The following C3 variants were observed in gnomAD, a reference collection of about 807,000 sequenced individuals.
C3 encodes complement C3, also known as C3 and PZP-like alpha-2-macroglobulin domain-containing protein 1.
C3 carries 97 observed loss-of-function variants against 207.9 expected under a neutral mutation model. That is an observed-to-expected ratio of 0.47 (90% CI 0.40 to 0.55). The LOEUF (loss-of-function observed/expected upper bound fraction) is 0.55, where lower values mean the gene tolerates loss of function less well. Among genes scored for constraint, C3 ranks in the 20% least tolerant of loss-of-function variants. The pLI, the probability that C3 is intolerant of heterozygous loss-of-function variation, is 0.00. For missense variants in C3, 1,684 were observed against 2,171.7 expected, an observed-to-expected ratio of 0.78 and a Z score of 4.46; for synonymous variants, 848 against 857.6, an observed-to-expected ratio of 0.99 and a Z score of 0.20.
intron 33 of C3, 184 bp downstream of exon 33, chr19:6,684,204 G>A: frequency 1.4e-6 from 1 of 702,326 alleles, no homozygotes; most frequent in East Asian, 2.6e-5. Context: ...GGTCATTGCT[G>A]TGGTCTCACA....
chr19:6,705,621 AC>A (rs2145420540), intron 17 of C3, among the ~76,000 whole-genome samples: 1 of 152,066 alleles, frequency 6.6e-6, no homozygotes, highest in South Asian at 2.1e-4. Context: ...TGTGGGCATT[AC>A]AGGTGTGAGC....
At chr19:6,684,011 AT>A (rs1917933576) in intron 33 of C3, among the ~76,000 whole-genome samples, 1 of 152,218 alleles carries the variant, frequency 6.6e-6, no homozygotes, top group Non-Finnish European at 1.5e-5. Context: ...AGGCAGGAGG[AT>A]CGCTTGAGCC....
chr19:6,700,150 T>G (rs1018583790), intron 19 of C3, among the ~76,000 whole-genome samples: 5 of 143,088 alleles, frequency 3.5e-5, no homozygotes, highest in Admixed American at 2.9e-4. Flanking sequence ...ATAATTAAAT[T>G]TCTTATAAAT....
chr19:6,696,587 A>T lies in C3; in HGVS notation c.2863+6T>A, dbSNP rs756312664. The T allele has an allele frequency of 1.9e-6, 3 of 1,613,318 alleles. No homozygotes were observed. In the East Asian group the frequency reaches 6.7e-5, roughly 36 times the overall value. On this transcript the variant is annotated splice_donor_region_variant and intron_variant, in intron 22 of 40. Transcript: ENST00000245907. The stretch of plus-strand genomic sequence containing the variant: ...CCCTCAGCCCCTCCCCCTGCAGCCG[A>T]CTCACCACGGCCCAGGCGTTCTGGA...
intron 36 of C3, chr19:6,679,955 C>A: frequency 1.7e-6 from 1 of 578,096 alleles, no homozygotes; most frequent in Non-Finnish European, 3.2e-6. Flanking sequence ...CTGCTTAGAC[C>A]ATCATTCTCA....
intron 35 of C3, among the ~76,000 whole-genome samples, chr19:6,680,707 C>T (rs958903264): frequency 6.6e-6 from 1 of 152,112 alleles, no homozygotes; most frequent in African/African-American, 2.4e-5. Flanking sequence ...TGTTAAGACC[C>T]CATATTCTTA....
chr19:6,678,123 TCGCGCGCA>T (rs771728904), intron 40 of C3, 21 bp downstream of exon 40: 2 of 1,613,972 alleles, frequency 1.2e-6, no homozygotes, highest in South Asian at 2.2e-5. Context: ...AGTCGGGCGG[TCGCGCGCA>T]CGCGCAGGGA....
chr19:6,718,525 C>A, intron 2 of C3, 113 bp from the exon 3 acceptor site: 1 of 1,279,842 alleles, frequency 7.8e-7, no homozygotes, highest in Non-Finnish European at 1.1e-6. Context: ...CTTGGTCTTC[C>A]GAGGTGGCCG....
rs748754304 is a variant in C3 at position 6,679,220 on chromosome 19, G to C, written c.4547-12C>G. On this transcript the variant is annotated splice_polypyrimidine_tract_variant and intron_variant, in intron 37 of 40. Transcript: ENST00000245907. ...TATGAAGCAATTCTCTGCAGGGTGG[G>C]GTGGAGACAGGGTCTAAGTCCCACT... 1 of 1,611,466 alleles carries C rather than the reference G, an allele frequency of 6.2e-7. No homozygotes were observed.
In C3 at chr19:6,684,795, T is replaced by C; in HGVS notation, c.4009A>G (p.Lys1337Glu). The C allele has an allele frequency of 6.2e-7, 1 of 1,614,206 alleles. No individual in the cohort carries two copies. Among genetic ancestry groups the C allele is most frequent in the Non-Finnish European group, 8.5e-7 (1 of 1,180,032 alleles). ...CTTACCGACAAGGTGCCTTGGCCTT[T>C]TCCTTCAGCTGTGACTGTGAAACCC... ...NEGFTVTAEG[K>E]GQGTLSVVTM... Residue 1337 changes from lysine (K) to glutamate (E), a missense_variant, in exon 31 of 41, where the codon AAA becomes GAA. By Grantham distance (56) the Lys-to-Glu change is moderately conservative. This residue lies in a region of C3 where 1,280 missense variants were observed against 1,739.1 expected (regional missense o/e 0.74). Coordinates refer to ENST00000245907, the MANE Select transcript of C3 (RefSeq NM_000064.4).
chr19:6,689,107 C>T (rs1019027811), intron 27 of C3, among the ~76,000 whole-genome samples: 3 of 152,170 alleles, frequency 2.0e-5, no homozygotes, highest in African/African-American at 7.2e-5. Flanking sequence ...GGTGCCTGCA[C>T]ATAAATTCCC....
In C3 at chr19:6,678,301, G is replaced by C. The variant is rs138474927; in HGVS notation, c.4715-14C>G. 240 of 1,614,220 alleles carry C rather than the reference G, an allele frequency of 1.5e-4. No homozygotes were observed. The highest frequency in any genetic ancestry group is 3.3e-4 in the Middle Eastern group (2 of 6,062). ...CCTCATCCGAGCCTGGAGTGGAGGG[G>C]AGAGGGAAGAAGCTGAGTCGTGGGG... On this transcript the variant is annotated splice_polypyrimidine_tract_variant and intron_variant, in intron 39 of 40. Coordinates refer to ENST00000245907, the MANE Select transcript of C3 (RefSeq NM_000064.4).
rs962003175 is a variant in C3 at position 6,719,903 on chromosome 19, TAAACCTCCAAC to T, written c.75-511_75-501del. Among the ~76,000 whole-genome samples, 41 of 152,042 alleles carry T rather than the reference TAAACCTCCAAC, an allele frequency of 2.7e-4. No homozygotes were observed. Among genetic ancestry groups the T allele is most frequent in the African/African-American group, 8.7e-4 (36 of 41,456 alleles). ...ATCTTAGAGCACCCCAAACCCAGCC[TAAACCTCCAAC>T]ACCCCAGTCCTAATAAATACAATCA... On this transcript the variant is annotated intron_variant, in intron 1 of 40. Coordinates refer to ENST00000245907, the MANE Select transcript of C3 (RefSeq NM_000064.4). This position sits in a 1 kb window ranked among gnomAD's most constrained non-coding sequence, Gnocchi z 5.4.
chr19:6,707,979 T>G (rs373297248), intron 14 of C3, 50 bp from the exon 15 acceptor site: 3 of 1,608,306 alleles, frequency 1.9e-6, no homozygotes, highest in Non-Finnish European at 2.5e-6. Flanking sequence ...GGCTGACAAT[T>G]GGGATCCCCC....
At chr19:6,688,907 C>T (rs1173424619) in intron 27 of C3, among the ~76,000 whole-genome samples, 1 of 152,204 alleles carries the variant, frequency 6.6e-6, no homozygotes, top group East Asian at 1.9e-4. Context: ...CTGACCCAGG[C>T]TGAGCCAATC....
chr19:6,688,478 T>A (rs1918069653), intron 27 of C3, among the ~76,000 whole-genome samples: 1 of 151,974 alleles, frequency 6.6e-6, no homozygotes, highest in African/African-American at 2.4e-5. Flanking sequence ...GCTTGAAAAA[T>A]TCCTGGAAAT....
intron 27 of C3, among the ~76,000 whole-genome samples, chr19:6,688,097 G>A (rs1462980007): frequency 6.6e-6 from 1 of 150,620 alleles, no homozygotes; most frequent in African/African-American, 2.4e-5. Context: ...GCCCACCTCG[G>A]CCTCCCAAAG....
chr19:6,691,894 G>A (rs1228980134), intron 26 of C3, among the ~76,000 whole-genome samples: 2 of 151,850 alleles, frequency 1.3e-5, no homozygotes, highest in Non-Finnish European at 2.9e-5. Flanking sequence ...GGTTGAGGTA[G>A]GAGAATTGCT....
At chr19:6,702,238 T>G in intron 18 of C3, 26 bp from the exon 19 acceptor site, 1 of 1,402,688 alleles carries the variant, frequency 7.1e-7, no homozygotes, top group Non-Finnish European at 1.0e-6. Context: ...GTTGGGGTAT[T>G]AGGAGATGTC....
Sources: gnomAD v4.1 joint callset for allele counts (sites outside exome capture counted in the v4.1 genomes callset) on GRCh38, gnomAD v4.1.1 for gene constraint, gnomAD v4.1.1 regional missense constraint, Gnocchi (gnomAD v3.1) non-coding constraint, MANE v1.5 for transcripts, NCBI Gene and HGNC (gene_info 2026-07-23, HGNC 2026-07-21) for gene names.